Variants in TAF1B observed in about 807,000 individuals in gnomAD.
The protein encoded by TAF1B is TATA box-binding protein-associated factor RNA polymerase I subunit B.
A neutral mutation model predicts 83.9 loss-of-function variants in TAF1B; 61 were observed. The observed-to-expected ratio is 0.73, with a 90% CI of 0.59 to 0.90. The LOEUF is 0.90. Among genes scored for constraint, TAF1B ranks in the 40% least tolerant of loss-of-function variants. The pLI, the probability that TAF1B is intolerant of heterozygous loss-of-function variation, is 0.00. For missense variants in TAF1B, 625 were observed against 677.0 expected (o/e 0.92, Z 0.85); for synonymous variants, 221 against 224.6 (o/e 0.98, Z 0.14).
chr2:9,881,630 T>C (rs535020680), intron 7 of TAF1B, among the ~76,000 whole-genome samples: 1 of 152,348 alleles, frequency 6.6e-6, no homozygotes, highest in South Asian at 2.1e-4. Context: ...CTCACTAGAA[T>C]GTAAACTCCA....
chr2:9,900,440 G>A (rs1442628521), intron 8 of TAF1B, among the ~76,000 whole-genome samples: 2 of 152,154 alleles, frequency 1.3e-5, no homozygotes, highest in African/African-American at 4.8e-5. Context: ...GAAGGCTGAG[G>A]CAGGAGGATC....
At chr2:9,868,616 A>G (rs1664070213) in intron 6 of TAF1B, 187 bp downstream of exon 6, 3 of 864,198 alleles carry the variant, frequency 3.5e-6, no homozygotes, top group Admixed American at 4.0e-5. Context: ...GCAATTTTTT[A>G]AAAGGCACAT....
At chr2:9,918,109 G>T (rs1022814082) in intron 12 of TAF1B, among the ~76,000 whole-genome samples, 1 of 152,130 alleles carries the variant, frequency 6.6e-6, no homozygotes, top group African/African-American at 2.4e-5. Context: ...CAGGTCTTCT[G>T]ATTCAGTACT....
At chr2:9,849,312 GA>G in intron 2 of TAF1B, 60 bp from the exon 3 acceptor site, 13 of 1,302,634 alleles carry the variant, frequency 1.0e-5, no homozygotes, top group South Asian at 2.9e-5. Flanking sequence ...AAAATACCTG[GA>G]AAAATGCTTA....
intron 8 of TAF1B, among the ~76,000 whole-genome samples, chr2:9,884,325 A>T (rs1248225690): frequency 6.6e-6 from 1 of 152,218 alleles, no homozygotes; most frequent in Non-Finnish European, 1.5e-5. Flanking sequence ...AAAGGACCGC[A>T]GCTCTTCTTT....
intron 14 of TAF1B, among the ~76,000 whole-genome samples, chr2:9,922,664 A>T (rs902501408): frequency 2.6e-5 from 4 of 151,984 alleles, no homozygotes; most frequent in Non-Finnish European, 5.9e-5. Flanking sequence ...TTGCTTATTT[A>T]TCCATCTCCC....
intron 4 of TAF1B, 76 bp downstream of exon 4, chr2:9,851,714 G>A: frequency 8.4e-7 from 1 of 1,196,854 alleles, no homozygotes; most frequent in Middle Eastern, 2.0e-4. Context: ...GTGGAACTAA[G>A]GAGAAATCAG....
intron 8 of TAF1B, among the ~76,000 whole-genome samples, chr2:9,884,288 C>T (rs1017759675): frequency 6.6e-6 from 1 of 152,210 alleles, no homozygotes; most frequent in Non-Finnish European, 1.5e-5. Context: ...AGCCCTGGCT[C>T]GAGGAGCTCC....
intron 6 of TAF1B, among the ~76,000 whole-genome samples, chr2:9,871,533 C>G: frequency 6.6e-6 from 1 of 152,216 alleles, no homozygotes; most frequent in East Asian, 1.9e-4. Context: ...ATATTTCATG[C>G]CTGACTTGAT....
intron 5 of TAF1B, among the ~76,000 whole-genome samples, chr2:9,858,639 G>A (rs1031560058): frequency 3.3e-5 from 5 of 152,228 alleles, no homozygotes; most frequent in Non-Finnish European, 7.3e-5. Context: ...TACATCCTCT[G>A]TAATCTAGGC....
At chr2:9,875,047 A>G (rs569238048) in intron 6 of TAF1B, among the ~76,000 whole-genome samples, 46 of 151,470 alleles carry the variant, frequency 3.0e-4, no homozygotes, top group Non-Finnish European at 6.0e-4. Flanking sequence ...GGCTCACTGC[A>G]ACCTCCCAGG....
chr2:9,851,503 A>G (rs1175140881), intron 3 of TAF1B, 38 bp from the exon 4 acceptor site: 1 of 1,467,132 alleles, frequency 6.8e-7, no homozygotes, highest in South Asian at 1.3e-5. Flanking sequence ...TTAGTAAATT[A>G]GGAATGTATA....
chr2:9,931,900 T>G (rs1666225173), intron 14 of TAF1B, among the ~76,000 whole-genome samples: 1 of 152,206 alleles, frequency 6.6e-6, no homozygotes, highest in Non-Finnish European at 1.5e-5. Context: ...TCTCTCTTAC[T>G]TTATTTCATT....
At chr2:9,844,544 C>G (rs1184540174) in intron 1 of TAF1B, 2 of 152,140 alleles carry the variant, frequency 1.3e-5, no homozygotes, top group Non-Finnish European at 2.9e-5. Context: ...AGTTGGGGAT[C>G]AGAGAATTAG....
intron 14 of TAF1B, 48 bp downstream of exon 14, chr2:9,919,868 G>A (rs772739869): frequency 1.2e-5 from 19 of 1,532,782 alleles, no homozygotes; most frequent in Non-Finnish European, 1.6e-5. Context: ...GTAGTTGACT[G>A]TATAAGAGCC....
chr2:9,845,675 T>C (rs1225579833), intron 2 of TAF1B: 1 of 255,342 alleles, frequency 3.9e-6, no homozygotes, highest in East Asian at 1.1e-4. Context: ...GTTTGGAAGA[T>C]GGAATGTTAG....
intron 8 of TAF1B, among the ~76,000 whole-genome samples, chr2:9,886,487 A>C (rs375241517): frequency 6.6e-6 from 1 of 152,168 alleles, no homozygotes; most frequent in East Asian, 1.9e-4. Context: ...TCCTGTGCTG[A>C]GTTTATATGC....
intron 10 of TAF1B, 102 bp from the exon 11 acceptor site, chr2:9,911,409 A>G (rs1270418213): frequency 6.7e-6 from 6 of 889,250 alleles, no homozygotes; most frequent in Non-Finnish European, 1.0e-5. Flanking sequence ...CATGGTATCA[A>G]TTTCAAATAC....
intron 13 of TAF1B, 138 bp downstream of exon 13, chr2:9,919,249 G>T: frequency 1.4e-6 from 1 of 696,496 alleles, no homozygotes; most frequent in Non-Finnish European, 2.4e-6. Context: ...ACATCCAAAG[G>T]AGCATCATAC....
Sources: allele counts gnomAD v4.1 joint callset (sites outside exome capture counted in the v4.1 genomes callset), GRCh38; gene constraint gnomAD v4.1.1; transcripts MANE v1.5; gene names NCBI Gene and HGNC (gene_info 2026-07-23, HGNC 2026-07-21).